VOPP1: variants seen among roughly 807,000 people sequenced by gnomAD.
VOPP1 encodes the protein VOPP1 WW domain binding protein.
In VOPP1, 8 loss-of-function variants were observed where a neutral mutation model predicts 23.5. That is an observed-to-expected ratio of 0.34 (90% CI 0.20 to 0.61). VOPP1 has a LOEUF of 0.61. VOPP1 is among the 20% of genes least tolerant of loss of function. The pLI, the probability that VOPP1 is intolerant of heterozygous loss-of-function variation, is 0.78. For missense variants in VOPP1, 174 were observed against 238.1 expected, an observed-to-expected ratio of 0.73 and a Z score of 1.77; for synonymous variants, 83 against 97.3, an observed-to-expected ratio of 0.85 and a Z score of 0.86.
chr7:55,456,350 G>A (rs144026175), intron 4 of VOPP1, among the ~76,000 whole-genome samples: 1,876 of 152,350 alleles, frequency 0.012, 49 homozygotes, highest in African/African-American at 0.043. Flanking sequence ...ACTGTTGGTG[G>A]AAGTGTAAAT....
At chr7:55,526,750 AT>A (rs1584033999) in intron 1 of VOPP1, 4 of 152,216 alleles carry the variant, frequency 2.6e-5, no homozygotes, top group Admixed American at 6.5e-5. Context: ...GAAAGTAAGG[AT>A]CCTTATGTTA....
At chr7:55,550,685 G>A (rs533613785) in intron 1 of VOPP1, among the ~76,000 whole-genome samples, 1 of 152,306 alleles carries the variant, frequency 6.6e-6, no homozygotes, top group East Asian at 1.9e-4. Flanking sequence ...GGATTATACA[G>A]CCGCTAACAG....
At chr7:55,453,915 C>A (rs1365014942) in intron 4 of VOPP1, among the ~76,000 whole-genome samples, 1 of 151,976 alleles carries the variant, frequency 6.6e-6, no homozygotes, top group Non-Finnish European at 1.5e-5. Flanking sequence ...TTTTTGAGAT[C>A]TTTTTTGGTT....
At chr7:55,558,797 C>A (rs910087067) in intron 1 of VOPP1, among the ~76,000 whole-genome samples, 2 of 152,150 alleles carry the variant, frequency 1.3e-5, no homozygotes, top group African/African-American at 4.8e-5. Flanking sequence ...AGGGTGAACA[C>A]CAAACCCTGG....
chr7:55,456,521 C>T (rs953839807), intron 4 of VOPP1, among the ~76,000 whole-genome samples: 2 of 152,160 alleles, frequency 1.3e-5, no homozygotes, highest in African/African-American at 4.8e-5. Flanking sequence ...CAGCACTGTT[C>T]ACAATGGCAA....
intron 1 of VOPP1, among the ~76,000 whole-genome samples, chr7:55,561,701 A>G (rs1478414417): frequency 7.0e-6 from 1 of 142,176 alleles, no homozygotes; most frequent in Non-Finnish European, 1.5e-5. Context: ...TGTCTGGAAA[A>G]AAAAAAAAAA....
At position 55,506,886 on chromosome 7, in the gene VOPP1, A is replaced by C. The variant is rs187525732; in HGVS notation, c.114-9196T>G. 6.4e-4 allele frequency among the ~76,000 whole-genome samples: 98 copies of C among 152,272 alleles called. 1 individual carries two copies. The East Asian group carries it at 0.017, about 26-fold the overall frequency. On this transcript the variant is annotated intron_variant, in intron 2 of 4. Transcript: ENST00000285279. ...ACTCCCAAACTCAGGTGATCTGCCCACCTCAGCTTCTCAAACTGCTGGGAT... is the reference window on the plus strand; with the variant it reads ...ACTCCCAAACTCAGGTGATCTGCCCCCCTCAGCTTCTCAAACTGCTGGGAT...
intron 2 of VOPP1, among the ~76,000 whole-genome samples, chr7:55,520,189 C>T (rs950351395): frequency 4.6e-5 from 7 of 152,030 alleles, no homozygotes; most frequent in South Asian, 2.1e-4. Context: ...AAAAAAATAA[C>T]GCGTTTTCCT....
intron 1 of VOPP1, among the ~76,000 whole-genome samples, chr7:55,568,361 C>T (rs1487540826): frequency 6.6e-6 from 1 of 152,202 alleles, no homozygotes; most frequent in African/African-American, 2.4e-5. Flanking sequence ...AGGCATGAGC[C>T]ACCGCACCCA....
intron 4 of VOPP1, among the ~76,000 whole-genome samples, chr7:55,488,062 C>A (rs1793280190): frequency 6.6e-6 from 1 of 152,144 alleles, no homozygotes; most frequent in African/African-American, 2.4e-5. Context: ...ACAATTTTTT[C>A]CTCTCTACCC....
chr7:55,524,043 T>A (rs1006211438), intron 1 of VOPP1, among the ~76,000 whole-genome samples: 3 of 152,220 alleles, frequency 2.0e-5, no homozygotes, highest in Non-Finnish European at 4.4e-5. Flanking sequence ...GCAGGGTAGA[T>A]GCCTGTGAGG....
At chr7:55,515,415 A>T (rs1011922885) in intron 2 of VOPP1, among the ~76,000 whole-genome samples, 1 of 152,134 alleles carries the variant, frequency 6.6e-6, no homozygotes, top group African/African-American at 2.4e-5. Context: ...CCCCAGGTAA[A>T]ATCAGCGGAC....
At chr7:55,493,222 G>A (rs1264103004) in intron 3 of VOPP1, 2 of 152,066 alleles carry the variant, frequency 1.3e-5, no homozygotes, top group Admixed American at 6.6e-5. Flanking sequence ...AGAAAAAGAG[G>A]AGAGTCACTT....
chr7:55,503,195 T>C (rs1794486560), intron 2 of VOPP1, among the ~76,000 whole-genome samples: 1 of 152,138 alleles, frequency 6.6e-6, no homozygotes, highest in East Asian at 1.9e-4. Flanking sequence ...CTGCCTTTTA[T>C]CTCAATGATA....
At chr7:55,442,168 T>A (rs1790980926) in intron 4 of VOPP1, among the ~76,000 whole-genome samples, 1 of 152,184 alleles carries the variant, frequency 6.6e-6, no homozygotes, top group South Asian at 2.1e-4. Context: ...TTATGACATG[T>A]GAGGCGGCTG....
rs963310883 is a variant in VOPP1, at chr7:55,438,756, C to G, written n.418-2582G>C. 2.0e-5 allele frequency among the ~76,000 whole-genome samples: 3 copies of G among 152,278 alleles called. No homozygotes were observed. In the East Asian group the frequency reaches 5.8e-4, roughly 29 times the overall value. On this transcript the variant is annotated intron_variant and non_coding_transcript_variant, in intron 4 of 4. Coordinates refer to the VOPP1 transcript ENST00000462326. Reference sequence around the variant, plus strand: ...GTGAGTGAAGGAAGGCATTATCTGGCCCACATTGTAAAGGGATCACTGTAG... The same window carrying G: ...GTGAGTGAAGGAAGGCATTATCTGGGCCACATTGTAAAGGGATCACTGTAG...
intron 1 of VOPP1, among the ~76,000 whole-genome samples, chr7:55,542,793 GAA>G (rs202064738): frequency 5.7e-5 from 8 of 139,728 alleles, no homozygotes; most frequent in South Asian, 2.2e-4. Context: ...CCATCTCCAA[GAA>G]AAAAAAAAAA....
downstream of VOPP1, among the ~76,000 whole-genome samples, chr7:55,469,660 T>C (rs756958218): frequency 2.1e-4 from 32 of 152,266 alleles, no homozygotes; most frequent in Non-Finnish European, 3.2e-4. Context: ...TCCTCAAATA[T>C]GGGGTGGGCA....
chr7:55,468,441 G>T (rs1424440752), downstream of VOPP1, among the ~76,000 whole-genome samples: 1 of 152,176 alleles, frequency 6.6e-6, no homozygotes, highest in Non-Finnish European at 1.5e-5. Context: ...AATTGCAGAG[G>T]CACCAAGGAG....
Sources: allele counts gnomAD v4.1 joint callset (sites outside exome capture counted in the v4.1 genomes callset), GRCh38; gene constraint gnomAD v4.1.1; transcripts MANE v1.5; gene names NCBI Gene and HGNC (gene_info 2026-07-23, HGNC 2026-07-21).